Variants in QTMAN observed in about 807,000 individuals in gnomAD.
QTMAN encodes tRNA-queuosine alpha-mannosyltransferase.
At chr2:143,993,398 G>T in the QTMAN span, among the ~76,000 whole-genome samples, 3 of 150,646 alleles carry the variant, frequency 2.0e-5, no homozygotes, top group Non-Finnish European at 4.4e-5. Flanking sequence ...CCTATTACAT[G>T]GCAAGCAAAA....
chr2:144,134,513 C>A, the QTMAN span, among the ~76,000 whole-genome samples: 1 of 152,050 alleles, frequency 6.6e-6, no homozygotes, highest in Non-Finnish European at 1.5e-5. Context: ...AATCCCTATT[C>A]CAGGGATGTA....
At chr2:144,264,064 T>C in the QTMAN span, among the ~76,000 whole-genome samples, 1 of 152,154 alleles carries the variant, frequency 6.6e-6, no homozygotes, top group Non-Finnish European at 1.5e-5. Context: ...AGAAATAGCC[T>C]GAACTAAGAA....
the QTMAN span, among the ~76,000 whole-genome samples, chr2:143,990,566 T>C: frequency 6.6e-6 from 1 of 152,184 alleles, no homozygotes; most frequent in Non-Finnish European, 1.5e-5. Context: ...ATGGCTGTTA[T>C]TGCTACAGAT....
chr2:144,298,973 G>A, the QTMAN span, among the ~76,000 whole-genome samples: 1 of 152,004 alleles, frequency 6.6e-6, no homozygotes, highest in Non-Finnish European at 1.5e-5. Context: ...ATTACTGCTG[G>A]GATCTTCTTG....
chr2:143,974,804 C>T, the QTMAN span, among the ~76,000 whole-genome samples: 2 of 152,076 alleles, frequency 1.3e-5, no homozygotes, highest in African/African-American at 2.4e-5. Context: ...TAATATTCTA[C>T]CATAAAATTA....
At chr2:144,244,355 G>A in the QTMAN span, among the ~76,000 whole-genome samples, 3 of 152,150 alleles carry the variant, frequency 2.0e-5, no homozygotes, top group Non-Finnish European at 2.9e-5. Flanking sequence ...AGGTGTCTCT[G>A]CAGTGCTCTG....
the QTMAN span, among the ~76,000 whole-genome samples, chr2:144,026,598 C>T: frequency 5.9e-5 from 9 of 152,216 alleles, no homozygotes; most frequent in Admixed American, 3.9e-4. Context: ...AGTGGGGGCT[C>T]ACTGTCAGGT....
the QTMAN span, among the ~76,000 whole-genome samples, chr2:144,201,065 T>C: frequency 1.3e-5 from 2 of 152,188 alleles, no homozygotes; most frequent in Non-Finnish European, 2.9e-5. Context: ...GATATGACTC[T>C]TGTCATCATA....
the QTMAN span, chr2:143,952,794 C>G: frequency 6.2e-7 from 1 of 1,608,274 alleles, no homozygotes; most frequent in Non-Finnish European, 8.5e-7. Flanking sequence ...TCGGGATAAA[C>G]CAAATCTTTA....
chr2:144,254,890 T>G, the QTMAN span, among the ~76,000 whole-genome samples: 1 of 152,260 alleles, frequency 6.6e-6, no homozygotes, highest in Non-Finnish European at 1.5e-5. Context: ...GTTTAATGAC[T>G]GCTCTATTGC....
At chr2:144,330,029 G>A in the QTMAN span, among the ~76,000 whole-genome samples, 1 of 152,102 alleles carries the variant, frequency 6.6e-6, no homozygotes, top group African/African-American at 2.4e-5. Flanking sequence ...AAAATTCATC[G>A]CACCACAGCA....
the QTMAN span, among the ~76,000 whole-genome samples, chr2:144,329,033 C>T: frequency 5.3e-5 from 8 of 151,548 alleles, no homozygotes; most frequent in African/African-American, 1.7e-4. Flanking sequence ...CCAAGGCGGG[C>T]GATCGAGACC....
chr2:144,100,937 T>C, the QTMAN span, among the ~76,000 whole-genome samples: 2 of 133,422 alleles, frequency 1.5e-5, no homozygotes, highest in Non-Finnish European at 3.1e-5. Flanking sequence ...TGGCACAATC[T>C]CAGCTCACTG....
At chr2:144,250,493 T>C in the QTMAN span, among the ~76,000 whole-genome samples, 4 of 152,252 alleles carry the variant, frequency 2.6e-5, no homozygotes, top group East Asian at 1.9e-4. Context: ...CTGGATAAAA[T>C]TGATATAAAA....
At chr2:144,203,849 C>T in the QTMAN span, among the ~76,000 whole-genome samples, 16 of 152,042 alleles carry the variant, frequency 1.1e-4, no homozygotes, top group Non-Finnish European at 2.1e-4. Context: ...AGACAATGGG[C>T]TTAAGAAGAA....
the QTMAN span, chr2:144,145,592 T>C: frequency 2.0e-4 from 318 of 1,609,590 alleles, 2 homozygotes; most frequent in East Asian, 3.5e-3. Flanking sequence ...TTTGGTTGTA[T>C]CCATATTGGA....
At chr2:144,253,241 G>A in the QTMAN span, among the ~76,000 whole-genome samples, 4 of 152,332 alleles carry the variant, frequency 2.6e-5, no homozygotes, top group East Asian at 7.7e-4. Flanking sequence ...ATGCAGAACA[G>A]TGAGTCAATT....
the QTMAN span, among the ~76,000 whole-genome samples, chr2:144,062,201 G>C: frequency 1.3e-5 from 2 of 152,156 alleles, no homozygotes; most frequent in Non-Finnish European, 2.9e-5. Flanking sequence ...CCCTGCCATG[G>C]GGCTGGAGCC....
the QTMAN span, chr2:143,943,853 T>C: frequency 1.3e-5 from 2 of 152,158 alleles, no homozygotes; most frequent in African/African-American, 4.8e-5. Flanking sequence ...ACAGTATAAA[T>C]GAGAAGGTTA....
Sources: gnomAD v4.1 joint callset for allele counts (sites outside exome capture counted in the v4.1 genomes callset) on GRCh38, gnomAD v4.1.1 for gene constraint, MANE v1.5 for transcripts, NCBI Gene and HGNC (gene_info 2026-07-23, HGNC 2026-07-21) for gene names.